Variants in FA2H observed in about 807,000 individuals in gnomAD.
FA2H encodes fatty acid 2-hydroxylase, also known as fatty acid alpha-hydroxylase.
Under a neutral mutation model 44.9 loss-of-function variants are expected in FA2H, and 22 were observed. The observed-to-expected ratio is 0.49, with a 90% confidence interval of 0.35 to 0.70. The LOEUF is 0.70. FA2H is among the 30% of genes least tolerant of loss of function. The pLI, the probability that FA2H is intolerant of heterozygous loss-of-function variation, is 0.01. For synonymous variants in FA2H, 243 were observed against 213.2 expected, an observed-to-expected ratio of 1.14 and a Z score of -1.22; for missense variants, 501 against 504.9, an observed-to-expected ratio of 0.99 and a Z score of 0.07.
intron 6 of FA2H, 42 bp downstream of exon 6, chr16:74,716,305 T>C (rs765251665): frequency 1.9e-6 from 3 of 1,603,060 alleles, no homozygotes; most frequent in South Asian, 1.1e-5. Flanking sequence ...AATAAATCAA[T>C]GAACACACAT....
chr16:74,756,526 G>A (rs1962615837), intron 1 of FA2H, among the ~76,000 whole-genome samples: 1 of 152,128 alleles, frequency 6.6e-6, no homozygotes, highest in South Asian at 2.1e-4. Flanking sequence ...CAAGGCTGGT[G>A]ACAGGCTCCA....
chr16:74,729,051 A>G (rs1446459213), intron 2 of FA2H, among the ~76,000 whole-genome samples: 1,565 of 74,268 alleles, frequency 0.021, no homozygotes, highest in Middle Eastern at 0.12. Context: ...TTGCTCTGTC[A>G]CCAGGCTGGA....
At chr16:74,753,336 G>A (rs1962560533) in intron 1 of FA2H, among the ~76,000 whole-genome samples, 1 of 152,192 alleles carries the variant, frequency 6.6e-6, no homozygotes, top group Non-Finnish European at 1.5e-5. Context: ...CAGCTCAACT[G>A]CTCCGCACCA....
In FA2H at chr16:74,761,956, C is replaced by T. The variant is rs540480098; in HGVS notation, c.270+12530G>A. Among the ~76,000 whole-genome samples the T allele has an allele frequency of 3.3e-5, 5 of 152,292 alleles. No individual in the cohort carries two copies. The East Asian group carries it at 9.6e-4, about 29-fold the overall frequency. The stretch of plus-strand genomic sequence containing the variant: ...TTAAAGGATGAAGAGAGACCCTTAG[C>T]CCTTAAATACACTTGTTAATAAGAT... On this transcript the variant is annotated intron_variant, in intron 1 of 6. Coordinates refer to ENST00000219368, the MANE Select transcript of FA2H (RefSeq NM_024306.5).
intron 4 of FA2H, 45 bp downstream of exon 4, chr16:74,726,180 C>T (rs1447671806): frequency 7.5e-7 from 1 of 1,340,344 alleles, no homozygotes; most frequent in Non-Finnish European, 1.1e-6. Flanking sequence ...GAGGTCTCCT[C>T]CCTCTAGGAT....
chr16:74,715,774 T>C (rs935508238), intron 6 of FA2H, among the ~76,000 whole-genome samples: 2 of 152,110 alleles, frequency 1.3e-5, no homozygotes, highest in Admixed American at 6.5e-5. Flanking sequence ...CCCCCACCTA[T>C]GTGATATTCC....
intron 2 of FA2H, among the ~76,000 whole-genome samples, chr16:74,737,952 G>C (rs1328916576): frequency 1.3e-5 from 2 of 152,256 alleles, no homozygotes; most frequent in African/African-American, 4.8e-5. Context: ...GATTGCCCGT[G>C]AGGTGAACGA....
intron 1 of FA2H, among the ~76,000 whole-genome samples, chr16:74,773,955 C>G (rs149956986): frequency 1.1e-3 from 166 of 152,268 alleles, no homozygotes; most frequent in African/African-American, 3.8e-3. Context: ...CAGACATGGC[C>G]CAGGCAAGGC....
chr16:74,714,453 T>C (rs1225313519), intron 6 of FA2H, among the ~76,000 whole-genome samples, 184 bp from the exon 7 acceptor site: 1 of 152,130 alleles, frequency 6.6e-6, no homozygotes, highest in Non-Finnish European at 1.5e-5. Flanking sequence ...TCTTTTATTG[T>C]CCCCAGCATG....
chr16:74,745,783 G>A (rs1222885470), intron 1 of FA2H, among the ~76,000 whole-genome samples: 2 of 150,196 alleles, frequency 1.3e-5, no homozygotes, highest in Admixed American at 1.3e-4. Flanking sequence ...GGATGGTATC[G>A]AGTCACTGTC....
intron 6 of FA2H, among the ~76,000 whole-genome samples, chr16:74,714,500 G>A (rs1312813016): frequency 6.6e-6 from 1 of 152,080 alleles, no homozygotes; most frequent in African/African-American, 2.4e-5. Flanking sequence ...TCTGGCCTTC[G>A]TTTCTAGGCT....
Position 74,723,407 on chromosome 16 carries a change from C to T in FA2H, c.613+2818G>A, listed in dbSNP as rs139448919. ...AATCCCTTCCTCTCCCACATGCTGA[C>T]GACCGAAGCTCTACACCAACTCCAC... On this transcript the variant is annotated intron_variant, in intron 4 of 6. Coordinates refer to ENST00000219368, the MANE Select transcript of FA2H (RefSeq NM_024306.5). Among the ~76,000 whole-genome samples the T allele has an allele frequency of 4.7e-3, 696 of 148,214 alleles. 41 individuals carry two copies. The East Asian group carries it at 0.12, about 25-fold the overall frequency.
chr16:74,726,424 T>G, intron 3 of FA2H, 93 bp from the exon 4 acceptor site: 1 of 823,066 alleles, frequency 1.2e-6, no homozygotes, highest in South Asian at 1.4e-5. Context: ...GTTTCACTCT[T>G]GTTGCCCAGG....
chr16:74,755,261 C>A (rs1385840478), intron 1 of FA2H, among the ~76,000 whole-genome samples: 1 of 151,694 alleles, frequency 6.6e-6, no homozygotes, highest in Admixed American at 6.6e-5. Context: ...CTCACTGCAA[C>A]CTCCACCTCA....
intron 1 of FA2H, among the ~76,000 whole-genome samples, chr16:74,746,400 G>A (rs1360717787): frequency 6.6e-6 from 1 of 151,200 alleles, no homozygotes; most frequent in East Asian, 1.9e-4. Context: ...GTAGAAAAGG[G>A]GGTCTCGCTA....
At chr16:74,738,616 A>G (rs1036926309) in intron 2 of FA2H, among the ~76,000 whole-genome samples, 1 of 152,120 alleles carries the variant, frequency 6.6e-6, no homozygotes, top group African/African-American at 2.4e-5. Context: ...AAGCTCACAG[A>G]TGCCTCTCTC....
chr16:74,739,259 G>C (rs1305064882), intron 2 of FA2H, among the ~76,000 whole-genome samples: 1 of 152,192 alleles, frequency 6.6e-6, no homozygotes, highest in African/African-American at 2.4e-5. Flanking sequence ...ACTAGGCAGA[G>C]GGCATGCAGG....
chr16:74,746,411 T>C (rs1015306451), intron 1 of FA2H, among the ~76,000 whole-genome samples: 4 of 151,434 alleles, frequency 2.6e-5, no homozygotes, highest in African/African-American at 9.7e-5. Context: ...GGTCTCGCTA[T>C]GTGGCCCAGG....
chr16:74,774,741 C>A lies in FA2H; in HGVS notation c.15G>T (p.Pro5=). 1 of 1,317,524 alleles carries A rather than the reference C, an allele frequency of 7.6e-7. No individual in the cohort carries two copies. The highest frequency in any genetic ancestry group is 9.6e-7 in the Non-Finnish European group (1 of 1,042,934). The allele number at this position is 1,317,524 out of a possible 1,614,324, so 81.6% of individuals were successfully genotyped here. The change falls in exon 1 of 7, where the codon CCG becomes CCT. Residue 5 remains proline, a synonymous_variant. Transcript: ENST00000219368. ...AGGGCGAGAAGGAGGCGGCGGGGGGCGGAGCGGGGGCCATGGCCGGAGACC... is the reference window on the plus strand; with the variant it reads ...AGGGCGAGAAGGAGGCGGCGGGGGGAGGAGCGGGGGCCATGGCCGGAGACC... MAPA[P]PPAASFSPSE...
Sources: gnomAD v4.1 joint callset for allele counts (sites outside exome capture counted in the v4.1 genomes callset) on GRCh38, gnomAD v4.1.1 for gene constraint, MANE v1.5 for transcripts, NCBI Gene and HGNC (gene_info 2026-07-23, HGNC 2026-07-21) for gene names.